RNF149: variants seen among roughly 807,000 people sequenced by gnomAD.
RNF149 encodes E3 ubiquitin-protein ligase RNF149.
In RNF149, 21 loss-of-function variants were observed where a neutral mutation model predicts 39.0. That is an observed-to-expected ratio of 0.54 (90% CI 0.38 to 0.77). RNF149 has a LOEUF of 0.77. Among genes scored for constraint, RNF149 ranks in the 30% least tolerant of loss-of-function variants. The pLI is 0.00. For synonymous variants in RNF149, 209 were observed against 213.6 expected, an observed-to-expected ratio of 0.98 and a Z score of 0.19; for missense variants, 493 against 534.9, an observed-to-expected ratio of 0.92 and a Z score of 0.77.
intron 3 of RNF149, among the ~76,000 whole-genome samples, chr2:101,292,509 G>A (rs1026326336): frequency 6.6e-6 from 1 of 152,210 alleles, no homozygotes; most frequent in Non-Finnish European, 1.5e-5. Flanking sequence ...GCTCACGCCT[G>A]TAATCCCAGA....
chr2:101,277,144 T>G lies in RNF149; in HGVS notation c.*94A>C. 1 of 1,512,778 alleles carries G rather than the reference T, an allele frequency of 6.6e-7. No individual in the cohort carries two copies. The highest frequency in any genetic ancestry group is 9.0e-7 in the Non-Finnish European group (1 of 1,117,224). The allele number at this position is 1,512,778 out of a possible 1,614,324, so 93.7% of individuals were successfully genotyped here. ...ATAGGTAAAATAATATACATTATTT[T>G]CAAATATACAAATTATGTGCTAAAG... On this transcript the variant is annotated 3_prime_UTR_variant, in exon 7 of 7. Transcript: ENST00000295317.
chr2:101,287,204 C>A (rs1682828484), intron 4 of RNF149, among the ~76,000 whole-genome samples: 1 of 152,104 alleles, frequency 6.6e-6, no homozygotes, highest in South Asian at 2.1e-4. Context: ...CACCTGTAAT[C>A]CCAGCTACTC....
At chr2:101,291,437 C>A (rs946636372) in intron 3 of RNF149, among the ~76,000 whole-genome samples, 6 of 151,950 alleles carry the variant, frequency 3.9e-5, no homozygotes, top group African/African-American at 1.5e-4. Context: ...GCATGACCCA[C>A]CACGCCCAGC....
At chr2:101,306,874 C>T (rs116727380) in intron 1 of RNF149, among the ~76,000 whole-genome samples, 4,098 of 152,136 alleles carry the variant, frequency 0.027, 64 homozygotes, top group Middle Eastern at 0.065. Flanking sequence ...TTCAGGAAGC[C>T]AAAACAGAGC....
chr2:101,281,172 TACAA>T (rs1682569026), intron 6 of RNF149, among the ~76,000 whole-genome samples: 2 of 152,332 alleles, frequency 1.3e-5, no homozygotes, highest in East Asian at 1.9e-4. Flanking sequence ...CTACTGATAA[TACAA>T]ACACTCATTA....
intron 6 of RNF149, among the ~76,000 whole-genome samples, chr2:101,278,634 A>T (rs1348970227): frequency 6.6e-6 from 1 of 152,232 alleles, no homozygotes; most frequent in Non-Finnish European, 1.5e-5. Flanking sequence ...GCTAAATCAC[A>T]CTAATTCATG....
chr2:101,289,942 G>C (rs1682944590), intron 3 of RNF149, among the ~76,000 whole-genome samples: 1 of 152,092 alleles, frequency 6.6e-6, no homozygotes, highest in African/African-American at 2.4e-5. Flanking sequence ...AGCACTTTCA[G>C]AGGCCAAGGC....
rs371212029 is a variant in RNF149 at position 101,282,533 on chromosome 2, G to A, written c.961-476C>T. Among the ~76,000 whole-genome samples, 3 of 152,138 alleles carry A rather than the reference G, an allele frequency of 2.0e-5. No individual in the cohort carries two copies. The East Asian group carries it at 5.8e-4, about 29-fold the overall frequency. ...TTCCGTATGGACAGGGTGTTGATCA[G>A]CTGTAGTTTGTCTCCACCTTCCCTC... On this transcript the variant is annotated intron_variant, in intron 5 of 6. Coordinates refer to ENST00000295317, the MANE Select transcript of RNF149 (RefSeq NM_173647.4).
chr2:101,304,044 A>C (rs141953496), intron 1 of RNF149, among the ~76,000 whole-genome samples: 16 of 152,322 alleles, frequency 1.1e-4, no homozygotes, highest in Non-Finnish European at 2.2e-4. Flanking sequence ...TAGTGCTTTG[A>C]TGTTTACTAA....
At position 101,280,176 on chromosome 2, in the gene RNF149, A is replaced by AAAT. The variant is rs535984877; in HGVS notation, c.1159+1680_1159+1682dup. Among the ~76,000 whole-genome samples the AAAT allele has an allele frequency of 4.9e-3, 730 of 148,284 alleles. 9 individuals are homozygous for AAAT. Among genetic ancestry groups the AAAT allele is most frequent in the East Asian group, 0.027 (135 of 4,996 alleles). On this transcript the variant is annotated intron_variant, in intron 6 of 6. Coordinates refer to ENST00000295317, the MANE Select transcript of RNF149 (RefSeq NM_173647.4). Reference sequence around the variant, plus strand: ...GGCCGACAGAGCAAGACTCCATCTCAAATAATAATAATAATAATAATAATA... The same window carrying AAAT: ...GGCCGACAGAGCAAGACTCCATCTCAAATAATAATAATAATAATAATAATAATA...
intron 6 of RNF149, among the ~76,000 whole-genome samples, chr2:101,279,206 G>A (rs369776722): frequency 6.6e-6 from 1 of 152,198 alleles, no homozygotes; most frequent in Non-Finnish European, 1.5e-5. Context: ...GGACACTGGG[G>A]AAACTGGCTG....
intron 1 of RNF149, among the ~76,000 whole-genome samples, chr2:101,307,172 G>A (rs947842258): frequency 1.3e-5 from 2 of 152,140 alleles, no homozygotes; most frequent in Admixed American, 1.3e-4. Flanking sequence ...GGGTTGCCTG[G>A]CAAATAGCAA....
chr2:101,272,828 A>G (rs888693966), downstream of RNF149: 6 of 643,146 alleles, frequency 9.3e-6, no homozygotes, highest in South Asian at 3.1e-5. Context: ...TCCCCAGTAT[A>G]TGGGGACAAT....
chr2:101,299,560 G>T (rs1004365070), intron 1 of RNF149, among the ~76,000 whole-genome samples: 1 of 152,174 alleles, frequency 6.6e-6, no homozygotes, highest in African/African-American at 2.4e-5. Context: ...TTGCAAGCTA[G>T]AAGTCTTTTT....
intron 6 of RNF149, 95 bp downstream of exon 6, chr2:101,281,764 T>C (rs1456113343): frequency 6.8e-7 from 1 of 1,469,118 alleles, no homozygotes; most frequent in East Asian, 2.3e-5. Context: ...ACTCGAGCAA[T>C]CCTCCCACCT....
intron 1 of RNF149, among the ~76,000 whole-genome samples, chr2:101,295,798 A>C (rs1308341167): frequency 6.6e-6 from 1 of 152,126 alleles, no homozygotes; most frequent in Non-Finnish European, 1.5e-5. Flanking sequence ...TAAAAAAAAA[A>C]AAAGTTTAAA....
chr2:101,289,570 T>C (rs2104405853), intron 3 of RNF149, among the ~76,000 whole-genome samples: 1 of 151,860 alleles, frequency 6.6e-6, no homozygotes, highest in South Asian at 2.1e-4. Context: ...CTGGGCATGG[T>C]GGCGCGTGCC....
chr2:101,301,331 A>AT (rs774242125), intron 1 of RNF149, among the ~76,000 whole-genome samples: 4,410 of 145,396 alleles, frequency 0.03, 84 homozygotes, highest in African/African-American at 0.059. Flanking sequence ...ACAAATATAG[A>AT]TTTTTTTTTT....
chr2:101,281,841 A>C lies in RNF149; in HGVS notation c.1159+18T>G. ...TCCTGGCCACATTCTATTGTTTTAT[A>C]ATTTGCACACCGCTCACCTAGCAAT... On this transcript the variant is annotated intron_variant, in intron 6 of 6. Transcript: ENST00000295317. The C allele has an allele frequency of 6.2e-7, 1 of 1,612,814 alleles. No homozygotes were observed. The highest frequency in any genetic ancestry group is 8.5e-7 in the Non-Finnish European group (1 of 1,179,848).
Sources: gnomAD v4.1 joint callset for allele counts (sites outside exome capture counted in the v4.1 genomes callset) on GRCh38, gnomAD v4.1.1 for gene constraint, MANE v1.5 for transcripts, NCBI Gene and HGNC (gene_info 2026-07-23, HGNC 2026-07-21) for gene names.